Variants in GRXCR1 observed in about 807,000 individuals in gnomAD.
GRXCR1 encodes the protein glutaredoxin domain-containing cysteine-rich protein 1.
A neutral mutation model predicts 27.3 loss-of-function variants in GRXCR1; 27 were observed. That is an observed-to-expected ratio of 0.99 (90% CI 0.73 to 1.37). The LOEUF is 1.37. GRXCR1 is among the 40% of genes most tolerant of loss of function. GRXCR1 has a pLI of 0.00. For synonymous variants in GRXCR1, 122 were observed against 131.1 expected (o/e 0.93, Z 0.47); for missense variants, 379 against 354.4 (o/e 1.07, Z -0.56).
intron 1 of GRXCR1, among the ~76,000 whole-genome samples, chr4:42,895,800 C>T (rs1746335167): frequency 6.6e-6 from 1 of 152,030 alleles, no homozygotes; most frequent in South Asian, 2.1e-4. Flanking sequence ...ATAGGCATCC[C>T]ACAGAGAAGC....
intron 1 of GRXCR1, among the ~76,000 whole-genome samples, chr4:42,912,558 T>C (rs1008075199): frequency 2.6e-5 from 4 of 152,202 alleles, no homozygotes; most frequent in Non-Finnish European, 5.9e-5. Context: ...CTGAACAATT[T>C]TCATATGCCA....
chr4:42,988,334 C>G (rs536136772), intron 2 of GRXCR1, among the ~76,000 whole-genome samples: 3 of 152,224 alleles, frequency 2.0e-5, no homozygotes, highest in East Asian at 1.9e-4. Context: ...ACCACATTTC[C>G]GTCATTTCTC....
chr4:43,026,539 A>C (rs1428874267), intron 3 of GRXCR1, among the ~76,000 whole-genome samples: 2 of 151,896 alleles, frequency 1.3e-5, no homozygotes, highest in Non-Finnish European at 2.9e-5. Context: ...AGACCCACCC[A>C]CCTCACCACC....
chr4:42,993,686 C>T (rs2346188), intron 2 of GRXCR1, among the ~76,000 whole-genome samples: 50,701 of 151,878 alleles, frequency 0.33, 9,426 homozygotes, highest in East Asian at 0.5. Flanking sequence ...AAAGCGTAAT[C>T]GGGTTGTATG....
At chr4:42,981,800 G>C (rs13151750) in intron 2 of GRXCR1, among the ~76,000 whole-genome samples, 1 of 152,120 alleles carries the variant, frequency 6.6e-6, no homozygotes, top group African/African-American at 2.4e-5. Context: ...TCTGCTGCTA[G>C]CCATGTTGGA....
intron 1 of GRXCR1, among the ~76,000 whole-genome samples, chr4:42,936,843 T>A (rs1032069607): frequency 6.6e-5 from 10 of 151,928 alleles, no homozygotes; most frequent in Admixed American, 5.3e-4. Context: ...AAGTAATGCT[T>A]CATTTTTATA....
intron 2 of GRXCR1, among the ~76,000 whole-genome samples, chr4:42,973,916 T>C (rs890438675): frequency 1.3e-5 from 2 of 152,198 alleles, no homozygotes; most frequent in Admixed American, 1.3e-4. Context: ...AAATTAAATA[T>C]TACTAAGGCT....
At chr4:43,015,249 A>G (rs1410725194) in intron 2 of GRXCR1, among the ~76,000 whole-genome samples, 1 of 152,180 alleles carries the variant, frequency 6.6e-6, no homozygotes, top group Non-Finnish European at 1.5e-5. Context: ...CATGCTAAAA[A>G]GAGTTTGGGT....
chr4:42,906,829 G>T (rs1423360806), intron 1 of GRXCR1, among the ~76,000 whole-genome samples: 1 of 152,056 alleles, frequency 6.6e-6, no homozygotes, highest in African/African-American at 2.4e-5. Flanking sequence ...TTTTACATGA[G>T]ATAAACTGAC....
intron 3 of GRXCR1, among the ~76,000 whole-genome samples, chr4:43,022,592 GGCT>G (rs1713130752): frequency 6.6e-6 from 1 of 152,112 alleles, no homozygotes; most frequent in African/African-American, 2.4e-5. Flanking sequence ...CACTATGTTC[GGCT>G]GCTTTGGGAT....
intron 2 of GRXCR1, among the ~76,000 whole-genome samples, chr4:42,982,017 T>C (rs919425244): frequency 8.6e-5 from 13 of 151,942 alleles, no homozygotes; most frequent in African/African-American, 2.9e-4. Flanking sequence ...ATTATTGCTT[T>C]AAAGAGGCTT....
intron 1 of GRXCR1, among the ~76,000 whole-genome samples, chr4:42,918,911 C>T (rs1354433418): frequency 6.6e-6 from 1 of 151,772 alleles, no homozygotes; most frequent in Non-Finnish European, 1.5e-5. Flanking sequence ...AACTGAGATA[C>T]CTATTGGGAG....
chr4:43,005,377 T>C (rs1712522893), intron 2 of GRXCR1, among the ~76,000 whole-genome samples: 1 of 152,198 alleles, frequency 6.6e-6, no homozygotes, highest in Non-Finnish European at 1.5e-5. Flanking sequence ...ATTTTTTAGT[T>C]GCAAATTATA....
intron 2 of GRXCR1, among the ~76,000 whole-genome samples, chr4:42,974,505 G>A (rs1748461527): frequency 6.6e-6 from 1 of 152,170 alleles, no homozygotes; most frequent in African/African-American, 2.4e-5. Context: ...CAGAGAGCAA[G>A]CTGATCTAAT....
At position 43,025,443 on chromosome 4, in the gene GRXCR1, CTT is replaced by C. The variant is rs145891788; in HGVS notation, c.694-4915_694-4914del. Among the ~76,000 whole-genome samples the C allele has an allele frequency of 4.9e-3, 749 of 152,324 alleles. 10 individuals carry two copies. The highest frequency in any genetic ancestry group is 0.015 in the African/African-American group (638 of 41,584). On this transcript the variant is annotated intron_variant, in intron 3 of 3. Coordinates refer to ENST00000399770, the MANE Select transcript of GRXCR1 (RefSeq NM_001080476.3). ...AAGGTCTCACTCACTGAGTATCTAT[CTT>C]TTAAAACTCACTCACAGGAATAAAT...
chr4:42,902,380 A>G (rs1746480484), intron 1 of GRXCR1, among the ~76,000 whole-genome samples: 1 of 152,136 alleles, frequency 6.6e-6, no homozygotes, highest in Non-Finnish European at 1.5e-5. Flanking sequence ...CAGTTTCTAT[A>G]ACAGTGACCC....
chr4:42,934,254 A>ATATATATG (rs1560655111), intron 1 of GRXCR1, among the ~76,000 whole-genome samples: 1 of 149,152 alleles, frequency 6.7e-6, no homozygotes, highest in Non-Finnish European at 1.5e-5. Flanking sequence ...ATATATATAT[A>ATATATATG]TATGTATATA....
At chr4:42,998,807 C>G (rs1432562610) in intron 2 of GRXCR1, among the ~76,000 whole-genome samples, 1 of 152,102 alleles carries the variant, frequency 6.6e-6, no homozygotes, top group African/African-American at 2.4e-5. Context: ...GATCATTCTT[C>G]TTGACTATGG....
intron 1 of GRXCR1, among the ~76,000 whole-genome samples, chr4:42,917,606 T>G (rs1251817854): frequency 6.6e-6 from 1 of 152,100 alleles, no homozygotes; most frequent in African/African-American, 2.4e-5. Flanking sequence ...CTGAAGCAGG[T>G]GGCCAGTCAG....
Sources: gnomAD v4.1 joint callset for allele counts (sites outside exome capture counted in the v4.1 genomes callset) on GRCh38, gnomAD v4.1.1 for gene constraint, MANE v1.5 for transcripts, NCBI Gene and HGNC (gene_info 2026-07-23, HGNC 2026-07-21) for gene names.